Variants in GPAT3 observed in about 807,000 individuals in gnomAD.
GPAT3 encodes 1-AGP acyltransferase 9.
Under a neutral mutation model 58.8 loss-of-function variants are expected in GPAT3, and 53 were observed. That is an observed-to-expected ratio of 0.90 (90% CI 0.72 to 1.13). The LOEUF (loss-of-function observed/expected upper bound fraction) is 1.13. Among genes scored for constraint, GPAT3 ranks in the 50% most tolerant of loss-of-function variants. The pLI is 0.00. For missense variants in GPAT3, 511 were observed against 527.6 expected, an observed-to-expected ratio of 0.97 and a Z score of 0.31; for synonymous variants, 197 against 187.4, an observed-to-expected ratio of 1.05 and a Z score of -0.42.
At chr4:83,537,691 A>G (rs932796906) in intron 1 of GPAT3, among the ~76,000 whole-genome samples, 1 of 151,456 alleles carries the variant, frequency 6.6e-6, no homozygotes, top group African/African-American at 2.4e-5. Context: ...CCTGGCCTCA[A>G]GCAATCTTCC....
At chr4:83,575,066 T>TG (rs371819356) in intron 2 of GPAT3, among the ~76,000 whole-genome samples, 15 of 151,676 alleles carry the variant, frequency 9.9e-5, no homozygotes, top group Admixed American at 3.3e-4. Flanking sequence ...TTAGTAGAGG[T>TG]GGGGTTTCAC....
intron 2 of GPAT3, among the ~76,000 whole-genome samples, chr4:83,574,624 ATTTTTTTTTTTTTTTTTTTTTTTTTTT>A (rs561972057): frequency 0.011 from 616 of 55,566 alleles, 11 homozygotes; most frequent in South Asian, 0.024. Flanking sequence ...AGTAAAATGA[ATTTTTTTTTTTTTTTTTTTTTTTTTTT>A]TTTTTTTTTT....
intron 1 of GPAT3, among the ~76,000 whole-genome samples, chr4:83,537,049 A>G (rs1222777733): frequency 6.6e-6 from 1 of 152,230 alleles, no homozygotes; most frequent in African/African-American, 2.4e-5. Context: ...TTTACTGATT[A>G]GAATAACAAC....
At chr4:83,588,369 G>A in intron 5 of GPAT3, 70 bp downstream of exon 5, 1 of 1,465,050 alleles carries the variant, frequency 6.8e-7, no homozygotes, top group South Asian at 1.2e-5. Context: ...AGGAAGCATT[G>A]GAAGTGGTTG....
chr4:83,573,294 A>G (rs758403467), intron 2 of GPAT3, among the ~76,000 whole-genome samples: 3 of 152,056 alleles, frequency 2.0e-5, no homozygotes, highest in Admixed American at 6.6e-5. Flanking sequence ...GCTTGCCACT[A>G]TGCCTGGCTA....
chr4:83,598,061 A>T lies in GPAT3; in HGVS notation c.1007A>T (p.Gln336Leu). The T allele has an allele frequency of 6.2e-7, 1 of 1,613,576 alleles. No homozygotes were observed. The highest frequency in any genetic ancestry group is 8.5e-7 in the Non-Finnish European group (1 of 1,179,868). ...IHPVAIKYNP[Q>L]FGDAFWNSSK... ...TTTCTTTTTTCTCAGTATAACCCTC[A>T]GTTCGGTGATGCATTTTGGAACAGT... The change falls in exon 10 of 12, where the codon CAG (glutamine) becomes CTG (leucine). Residue 336 changes from glutamine to leucine, a missense_variant. Coordinates refer to ENST00000264409, the MANE Select transcript of GPAT3 (RefSeq NM_032717.5).
At chr4:83,553,583 G>A (rs1188526605) in intron 2 of GPAT3, among the ~76,000 whole-genome samples, 1 of 152,128 alleles carries the variant, frequency 6.6e-6, no homozygotes, top group Non-Finnish European at 1.5e-5. Context: ...GTTTGAAAAA[G>A]TTGAGTGAGA....
chr4:83,566,563 C>T (rs548892372), intron 2 of GPAT3, among the ~76,000 whole-genome samples: 44 of 151,460 alleles, frequency 2.9e-4, no homozygotes, highest in Non-Finnish European at 5.3e-4. Flanking sequence ...TGAGCCACTA[C>T]GCCCGGCCTC....
rs997984798 is a variant in GPAT3, at chr4:83,598,101, G to A, written c.1047G>A (p.Met349Ile). The change falls in exon 10 of 12, where the codon ATG (methionine) becomes ATA (isoleucine). Residue 349 changes from methionine (M) to isoleucine (I), a missense_variant. Physicochemically the swap from Met to Ile is conservative, Grantham distance 10 (BLOSUM62 1). Coordinates refer to ENST00000264409, the MANE Select transcript of GPAT3 (RefSeq NM_032717.5). ...DAFWNSSKYN[M>I]VSYLLRMMTS... The stretch of plus-strand genomic sequence containing the variant: ...TTTGGAACAGTAGTAAATACAACAT[G>A]GTGAGCTACCTGCTTCGAATGATGA... 3.1e-6 allele frequency: 5 copies of A among 1,613,480 alleles called. No homozygotes were observed. In the Middle Eastern group the frequency reaches 6.6e-4, roughly 213 times the overall value.
In GPAT3 at chr4:83,596,437, A is replaced by G. The variant is rs370197851; in HGVS notation, c.855-421A>G. On this transcript the variant is annotated intron_variant, in intron 7 of 11. Transcript: ENST00000264409. ...GGAGTTCGAGACCAACCTGGGCAAC[A>G]TGGTGAAATGCCATCAGTACAAAAA... Among the ~76,000 whole-genome samples the G allele has an allele frequency of 2.2e-4, 33 of 152,274 alleles. No individual in the cohort carries two copies. In the East Asian group the frequency reaches 6.4e-3, roughly 29 times the overall value.
Position 83,581,601 on chromosome 4 carries a change from T to A in GPAT3, c.248T>A (p.Leu83His), listed in dbSNP as rs1188374308. Residue 83 changes from leucine (L) to histidine (H), a missense_variant, in exon 3 of 12, where the codon CTC becomes CAC. Physicochemically the swap from Leu to His is moderately conservative, Grantham distance 99. Coordinates refer to ENST00000264409, the MANE Select transcript of GPAT3 (RefSeq NM_032717.5). Reference sequence around the variant, plus strand: ...GATGAGTCACCCATGGAAAAAGGGCTCTCTGGTCTACGAGGAAGGGACTTT... The same window carrying A: ...GATGAGTCACCCATGGAAAAAGGGCACTCTGGTCTACGAGGAAGGGACTTT... ...QRDESPMEKG[L>H]SGLRGRDFEL... 1 of 1,614,142 alleles carries A rather than the reference T, an allele frequency of 6.2e-7. No homozygotes were observed. The highest frequency in any genetic ancestry group is 1.1e-5 in the South Asian group (1 of 91,084).
At position 83,551,793 on chromosome 4, in the gene GPAT3, GAAAAAAAAAAA is replaced by G. The variant is rs765639097; in HGVS notation, c.208+7202_208+7212del. The stretch of plus-strand genomic sequence containing the variant: ...GGAGACAGAGTGAGACTCCATCTCG[GAAAAAAAAAAA>G]AAAAAAAAAATCTATCTATCTATCT... On this transcript the variant is annotated intron_variant, in intron 2 of 11. Transcript: ENST00000264409. Among the ~76,000 whole-genome samples, 12 of 61,930 alleles carry G rather than the reference GAAAAAAAAAAA, an allele frequency of 1.9e-4. No homozygotes were observed. The South Asian group carries it at 5.8e-3, about 30-fold the overall frequency. 40.6% of individuals were successfully genotyped at this position (61,930 alleles called of 152,430 possible).
chr4:83,598,750 A>ATT, intron 11 of GPAT3, 27 bp downstream of exon 11: 1 of 256,746 alleles, frequency 3.9e-6, no homozygotes, highest in Non-Finnish European at 6.2e-6. Context: ...AAGTACTATC[A>ATT]CTTTTTTTTT....
chr4:83,550,136 T>A (rs1724700566), intron 2 of GPAT3, among the ~76,000 whole-genome samples: 1 of 152,110 alleles, frequency 6.6e-6, no homozygotes, highest in South Asian at 2.1e-4. Context: ...GGTGCTAGGA[T>A]TGCAGGTGTG....
At chr4:83,569,879 A>C (rs1725538618) in intron 2 of GPAT3, among the ~76,000 whole-genome samples, 1 of 152,170 alleles carries the variant, frequency 6.6e-6, no homozygotes, top group Non-Finnish European at 1.5e-5. Context: ...TTCTGGGAAG[A>C]ATGATCACGT....
At chr4:83,579,123 C>T (rs1266003071) in intron 2 of GPAT3, among the ~76,000 whole-genome samples, 1 of 112,450 alleles carries the variant, frequency 8.9e-6, no homozygotes, top group Non-Finnish European at 2.0e-5. Context: ...TCCTTCCTTC[C>T]TTCCTTTCTT....
intron 1 of GPAT3, 24 bp downstream of exon 1, chr4:83,536,787 C>T: frequency 1.3e-6 from 2 of 1,586,806 alleles, no homozygotes; most frequent in South Asian, 2.3e-5. Flanking sequence ...GGGATGCAGC[C>T]AGCCCCACAC....
intron 2 of GPAT3, 150 bp downstream of exon 2, chr4:83,544,752 G>C: frequency 1.4e-6 from 1 of 707,020 alleles, no homozygotes; most frequent in Non-Finnish European, 2.4e-6. Context: ...GCAGCTGCCA[G>C]AGTTTTCATG....
chr4:83,558,073 G>A (rs1007114926), intron 2 of GPAT3, among the ~76,000 whole-genome samples: 6 of 152,100 alleles, frequency 3.9e-5, no homozygotes, highest in African/African-American at 1.4e-4. Flanking sequence ...AATTAGCCGG[G>A]CATGGTGGTG....
Sources: gnomAD v4.1 joint callset for allele counts (sites outside exome capture counted in the v4.1 genomes callset) on GRCh38, gnomAD v4.1.1 for gene constraint, MANE v1.5 for transcripts, NCBI Gene and HGNC (gene_info 2026-07-23, HGNC 2026-07-21) for gene names.